SH3RF3: variants seen among roughly 807,000 people sequenced by gnomAD.
SH3RF3 encodes SH3 domain containing ring finger 3.
In SH3RF3, 29 loss-of-function variants were observed where a neutral mutation model predicts 66.3. That is an observed-to-expected ratio of 0.44 (90% CI 0.33 to 0.60). SH3RF3 has a LOEUF of 0.60. Among genes scored for constraint, SH3RF3 ranks in the 20% least tolerant of loss-of-function variants. SH3RF3 has a pLI of 0.04. For synonymous variants in SH3RF3, 583 were observed against 532.0 expected (o/e 1.10, Z -1.32); for missense variants, 1,194 against 1,190.9 (o/e 1.00, Z -0.04).
Position 109,129,503 on chromosome 2 carries a change from C to G in SH3RF3, c.-38C>G. ...GCGGGCTCCACGCCGGCCCCGGGAC[C>G]TAGGCAGCCGCGCGAGACCGCTGCG... On this transcript the variant is annotated 5_prime_UTR_variant, in exon 1 of 10. Transcript: ENST00000309415. The G allele has an allele frequency of 6.7e-7, 1 of 1,495,372 alleles. No homozygotes were observed. The highest frequency in any genetic ancestry group is 8.9e-7 in the Non-Finnish European group (1 of 1,128,550). The allele number at this position is 1,495,372 out of a possible 1,614,324, so 92.6% of individuals were successfully genotyped here.
chr2:109,322,599 A>G (rs1682051822), intron 1 of SH3RF3, among the ~76,000 whole-genome samples: 1 of 152,248 alleles, frequency 6.6e-6, no homozygotes, highest in Non-Finnish European at 1.5e-5. Flanking sequence ...TGCTGAATGA[A>G]TAAATCTGCA....
intron 5 of SH3RF3, among the ~76,000 whole-genome samples, chr2:109,430,218 C>T (rs985352381): frequency 2.6e-5 from 4 of 152,226 alleles, no homozygotes; most frequent in African/African-American, 7.2e-5. Context: ...AACCCGGCTG[C>T]GCATTCTGCA....
At chr2:109,347,102 C>G (rs1331901695) in intron 1 of SH3RF3, among the ~76,000 whole-genome samples, 2 of 152,172 alleles carry the variant, frequency 1.3e-5, no homozygotes, top group African/African-American at 4.8e-5. Context: ...CAGCTTCAAC[C>G]CCTGGAGCAT....
intron 4 of SH3RF3, among the ~76,000 whole-genome samples, chr2:109,417,472 T>A (rs2104512158): frequency 6.6e-6 from 1 of 152,304 alleles, no homozygotes; most frequent in South Asian, 2.1e-4. Context: ...TCCAGCCCTG[T>A]TCTCACACGG....
intron 1 of SH3RF3, among the ~76,000 whole-genome samples, chr2:109,291,815 G>T (rs1389654701): frequency 6.6e-6 from 1 of 152,176 alleles, no homozygotes; most frequent in South Asian, 2.1e-4. Context: ...TCAAGGAGCA[G>T]CTCCAAACTG....
chr2:109,482,716 TG>T (rs1678866611), intron 8 of SH3RF3, among the ~76,000 whole-genome samples: 1 of 151,634 alleles, frequency 6.6e-6, no homozygotes, highest in Non-Finnish European at 1.5e-5. Flanking sequence ...TGTCCCTGCC[TG>T]CACCTCCGGC....
intron 1 of SH3RF3, among the ~76,000 whole-genome samples, chr2:109,291,228 G>T (rs1466768843): frequency 6.6e-6 from 1 of 151,834 alleles, no homozygotes; most frequent in South Asian, 2.1e-4. Flanking sequence ...ATGGAGAAAT[G>T]CCAGAAAGCA....
chr2:109,360,911 G>C (rs1038292711), intron 2 of SH3RF3, among the ~76,000 whole-genome samples: 2 of 152,178 alleles, frequency 1.3e-5, no homozygotes, highest in Non-Finnish European at 2.9e-5. Flanking sequence ...TAGTGGGAAA[G>C]TTTAAAGTTT....
At chr2:109,448,853 G>C (rs888318314) in intron 7 of SH3RF3, among the ~76,000 whole-genome samples, 2 of 152,186 alleles carry the variant, frequency 1.3e-5, no homozygotes, top group Non-Finnish European at 2.9e-5. Flanking sequence ...CTGAGTTAAA[G>C]GACTTCATAG....
intron 4 of SH3RF3, among the ~76,000 whole-genome samples, chr2:109,407,857 G>C (rs2104473049): frequency 6.6e-6 from 1 of 152,306 alleles, no homozygotes; most frequent in Non-Finnish European, 1.5e-5. Context: ...TGGGGACAGA[G>C]GACACCGTGG....
intron 1 of SH3RF3, among the ~76,000 whole-genome samples, chr2:109,230,574 T>C (rs2105183504): frequency 6.6e-6 from 1 of 152,190 alleles, no homozygotes; most frequent in African/African-American, 2.4e-5. Flanking sequence ...AGAGAGATCA[T>C]CTTAAAAAAT....
chr2:109,483,249 G>A (rs1025942992), intron 8 of SH3RF3, among the ~76,000 whole-genome samples: 1 of 152,180 alleles, frequency 6.6e-6, no homozygotes, highest in African/African-American at 2.4e-5. Flanking sequence ...AAACTTCCAA[G>A]TATAACTTGC....
chr2:109,312,628 A>T (rs7596155), intron 1 of SH3RF3, among the ~76,000 whole-genome samples: 47,372 of 151,996 alleles, frequency 0.31, 9,142 homozygotes, highest in African/African-American at 0.55. Context: ...ATCATCCGAT[A>T]CATGGCCCTT....
At chr2:109,423,001 G>A (rs902404931) in intron 5 of SH3RF3, among the ~76,000 whole-genome samples, 1 of 152,166 alleles carries the variant, frequency 6.6e-6, no homozygotes, top group Non-Finnish European at 1.5e-5. Flanking sequence ...GAGAGCAACG[G>A]AACTCTTGGC....
At chr2:109,383,060 G>T (rs918357615) in intron 3 of SH3RF3, among the ~76,000 whole-genome samples, 1 of 152,238 alleles carries the variant, frequency 6.6e-6, no homozygotes, top group African/African-American at 2.4e-5. Flanking sequence ...GAGGAAACCG[G>T]TGTCAGATTC....
intron 1 of SH3RF3, among the ~76,000 whole-genome samples, chr2:109,181,056 A>G (rs181435756): frequency 6.6e-5 from 10 of 152,330 alleles, no homozygotes; most frequent in Non-Finnish European, 1.3e-4. Flanking sequence ...CCCGCTGTGC[A>G]CACACAGTAC....
chr2:109,192,548 C>G (rs1678392740), intron 1 of SH3RF3, among the ~76,000 whole-genome samples: 1 of 152,056 alleles, frequency 6.6e-6, no homozygotes, highest in South Asian at 2.1e-4. Flanking sequence ...TATGCCTGTG[C>G]CAGCGTGGTC....
chr2:109,153,098 G>A, intron 1 of SH3RF3, among the ~76,000 whole-genome samples: 1 of 152,156 alleles, frequency 6.6e-6, no homozygotes, highest in Non-Finnish European at 1.5e-5. Flanking sequence ...GCTTTTGTCA[G>A]AAAACCCATT....
At chr2:109,260,460 C>T (rs963172393) in intron 1 of SH3RF3, among the ~76,000 whole-genome samples, 3 of 152,222 alleles carry the variant, frequency 2.0e-5, no homozygotes, top group Non-Finnish European at 4.4e-5. Context: ...AAGCATCTGC[C>T]TCCCAGTGGC....
Sources: gnomAD v4.1 joint callset for allele counts (sites outside exome capture counted in the v4.1 genomes callset) on GRCh38, gnomAD v4.1.1 for gene constraint, MANE v1.5 for transcripts, NCBI Gene and HGNC (gene_info 2026-07-23, HGNC 2026-07-21) for gene names.